SNX9: variants seen among roughly 807,000 people sequenced by gnomAD.
The protein encoded by SNX9 is sorting nexin 9.
In SNX9, 44 loss-of-function variants were observed where a neutral mutation model predicts 89.4. That is an observed-to-expected ratio of 0.49 (90% CI 0.39 to 0.63). The LOEUF (loss-of-function observed/expected upper bound fraction) is 0.63, where lower values mean the gene tolerates loss of function less well. Ranked by LOEUF, SNX9 falls within the 30% of genes least tolerant of loss-of-function variation. The probability of loss-of-function intolerance (pLI) is 0.00; values close to 1 mark genes in which losing one functional copy is unlikely to be tolerated. For missense variants in SNX9, 578 were observed against 736.1 expected (o/e 0.79, Z 2.49); for synonymous variants, 236 against 247.8 (o/e 0.95, Z 0.45).
chr6:157,841,752 A>T (rs9364670), intron 1 of SNX9, among the ~76,000 whole-genome samples: 1 of 152,212 alleles, frequency 6.6e-6, no homozygotes, highest in Non-Finnish European at 1.5e-5. Flanking sequence ...ACAAGGTCCC[A>T]CTTATCTTCA....
chr6:157,844,859 T>C (rs1341077312), intron 1 of SNX9, among the ~76,000 whole-genome samples: 1 of 152,176 alleles, frequency 6.6e-6, no homozygotes, highest in Non-Finnish European at 1.5e-5. Context: ...TCTCCCAAAG[T>C]GCTGGGATTA....
intron 13 of SNX9, among the ~76,000 whole-genome samples, 182 bp downstream of exon 13, chr6:157,932,454 C>T (rs149626100): frequency 6.6e-6 from 1 of 152,292 alleles, no homozygotes; most frequent in African/African-American, 2.4e-5. Flanking sequence ...TGAGAAAAGC[C>T]AAAGGTGGTT....
chr6:157,877,951 T>C (rs765770627), intron 4 of SNX9, among the ~76,000 whole-genome samples: 1 of 152,264 alleles, frequency 6.6e-6, no homozygotes, highest in Admixed American at 6.5e-5. Flanking sequence ...AAGATCTCTT[T>C]GAATAACTTA....
At chr6:157,900,147 T>C (rs1217319409) in intron 5 of SNX9, among the ~76,000 whole-genome samples, 1 of 152,186 alleles carries the variant, frequency 6.6e-6, no homozygotes, top group Non-Finnish European at 1.5e-5. Context: ...ATAAGTTTTT[T>C]AGATTTTTTT....
At position 157,823,578 on chromosome 6, in the gene SNX9, C is replaced by A; in HGVS notation, c.12+132C>A. The A allele has an allele frequency of 1.3e-6, 1 of 769,200 alleles. No homozygotes were observed. The highest frequency in any genetic ancestry group is 1.7e-6 in the Non-Finnish European group (1 of 595,568). The allele number at this position is 769,200 out of a possible 1,614,324, so 47.6% of individuals were successfully genotyped here. ...GGCCACTCCGCTTCCTCGGTGGAGT[C>A]CCCGGGCGGGTCCGCGGCCCAGCCA... On this transcript the variant is annotated intron_variant, in intron 1 of 17. Coordinates refer to ENST00000392185, the MANE Select transcript of SNX9 (RefSeq NM_016224.5). This position sits in a 1 kb window ranked among gnomAD's most constrained non-coding sequence, Gnocchi z 4.6.
At chr6:157,883,123 AC>A (rs1001656610) in intron 4 of SNX9, among the ~76,000 whole-genome samples, 67 of 149,394 alleles carry the variant, frequency 4.5e-4, no homozygotes, top group Non-Finnish European at 2.5e-4. Flanking sequence ...TCAAAACAAG[AC>A]CCCCCCGCCA....
intron 1 of SNX9, among the ~76,000 whole-genome samples, chr6:157,840,398 C>CA (rs780198988): frequency 1.4e-5 from 2 of 138,696 alleles, no homozygotes; most frequent in Non-Finnish European, 3.1e-5. Flanking sequence ...CTGACTTTTA[C>CA]AAAAAATACT....
chr6:157,914,042 T>G (rs141294599), intron 9 of SNX9, among the ~76,000 whole-genome samples: 201 of 152,324 alleles, frequency 1.3e-3, no homozygotes, highest in African/African-American at 4.6e-3. Flanking sequence ...CAAGTATATA[T>G]TTAATGTTTA....
At position 157,909,918 on chromosome 6, in the gene SNX9, G is replaced by C; in HGVS notation, c.842G>C (p.Arg281Pro). ...EYQLTPTNTN[R>P]SVNHRYKHFD... ...TCCCTTATTTTGTAGAACACTAATCGATCTGTAAACCACAGGTATAAGCAC... is the reference window on the plus strand; with the variant it reads ...TCCCTTATTTTGTAGAACACTAATCCATCTGTAAACCACAGGTATAAGCAC... Residue 281 changes from arginine to proline, a missense_variant, in exon 9 of 18, where the codon CGA becomes CCA. By Grantham distance (103) the Arg-to-Pro change is moderately radical. Around this residue, in one of 2 missense-constraint regions of SNX9, gnomAD observed 348 missense variants for 491.4 expected, o/e 0.71. Coordinates refer to ENST00000392185, the MANE Select transcript of SNX9 (RefSeq NM_016224.5). 1 of 1,613,914 alleles carries C rather than the reference G, an allele frequency of 6.2e-7. No homozygotes were observed. Among genetic ancestry groups the C allele is most frequent in the Non-Finnish European group, 8.5e-7 (1 of 1,179,948 alleles).
chr6:157,867,293 C>T (rs1782283832), intron 1 of SNX9, among the ~76,000 whole-genome samples: 1 of 152,120 alleles, frequency 6.6e-6, no homozygotes, highest in African/African-American at 2.4e-5. Context: ...TAGGGTTGAT[C>T]TCTAAATGCA....
rs1386712333 is a variant in SNX9, at chr6:157,932,115, T to C, written c.1289-80T>C. The C allele has an allele frequency of 7.8e-5, 97 of 1,240,562 alleles. 2 individuals are homozygous for C. In the South Asian group the frequency reaches 1.1e-3, roughly 14 times the overall value. 76.8% of individuals were successfully genotyped at this position (1,240,562 alleles called of 1,614,324 possible). On this transcript the variant is annotated intron_variant, in intron 12 of 17. Coordinates refer to ENST00000392185, the MANE Select transcript of SNX9 (RefSeq NM_016224.5). ...TATTTTGAATCACTTCAAAAGTTAC[T>C]GTAATCACTTTTAGGAAATAGTTTA...
intron 4 of SNX9, among the ~76,000 whole-genome samples, chr6:157,876,414 G>C (rs891459593): frequency 8.5e-5 from 13 of 152,202 alleles, no homozygotes; most frequent in South Asian, 2.1e-4. Flanking sequence ...TCGTGCCACT[G>C]TACTCCAGCC....
intron 1 of SNX9, among the ~76,000 whole-genome samples, chr6:157,832,342 G>A (rs1354537086): frequency 6.6e-6 from 1 of 152,180 alleles, no homozygotes; most frequent in Non-Finnish European, 1.5e-5. Context: ...CTTCAGATGT[G>A]CCAGGTCCTC....
At position 157,940,202 on chromosome 6, in the gene SNX9, C is replaced by T. The variant is rs548979673; in HGVS notation, c.1649-681C>T. On this transcript the variant is annotated intron_variant, in intron 16 of 17. Transcript: ENST00000392185. ...TGTGCAGGAGGGAGCGGGGCAGGGACCCCAGCTGCCTGCTAGGTCCAGTGC... is the reference window on the plus strand; with the variant it reads ...TGTGCAGGAGGGAGCGGGGCAGGGATCCCAGCTGCCTGCTAGGTCCAGTGC... Among the ~76,000 whole-genome samples, 12 of 152,326 alleles carry T rather than the reference C, an allele frequency of 7.9e-5. No individual in the cohort carries two copies. In the East Asian group the frequency reaches 1.9e-3, roughly 24 times the overall value.
intron 4 of SNX9, among the ~76,000 whole-genome samples, chr6:157,886,817 A>G (rs1782746421): frequency 6.6e-6 from 1 of 152,114 alleles, no homozygotes; most frequent in Non-Finnish European, 1.5e-5. Flanking sequence ...TTTTTTTCTG[A>G]CAGTAGCATG....
intron 1 of SNX9, 93 bp from the exon 2 acceptor site, chr6:157,867,454 C>A: frequency 1.0e-6 from 1 of 968,536 alleles, no homozygotes; most frequent in Non-Finnish European, 1.6e-6. Context: ...CATGTTTGTA[C>A]CAGCATGCTT....
chr6:157,936,344 A>G (rs1783925104), intron 14 of SNX9, among the ~76,000 whole-genome samples: 1 of 152,164 alleles, frequency 6.6e-6, no homozygotes, highest in Admixed American at 6.5e-5. Flanking sequence ...TGGGCAACAC[A>G]GTGAACCCCC....
chr6:157,826,829 T>A (rs1335442773), intron 1 of SNX9, among the ~76,000 whole-genome samples: 2 of 119,502 alleles, frequency 1.7e-5, no homozygotes, highest in Non-Finnish European at 3.2e-5. Context: ...TATATTATAT[T>A]TTATATATAT....
At chr6:157,909,467 T>TGGGAACACA (rs1562614400) in intron 7 of SNX9, among the ~76,000 whole-genome samples, 198 bp from the exon 8 acceptor site, 1 of 152,170 alleles carries the variant, frequency 6.6e-6, no homozygotes, top group Non-Finnish European at 1.5e-5. Flanking sequence ...CAGAAGGGTT[T>TGGGAACACA]CCCACAGGTG....
Sources: gnomAD v4.1 joint callset for allele counts (sites outside exome capture counted in the v4.1 genomes callset) on GRCh38, gnomAD v4.1.1 for gene constraint, gnomAD v4.1.1 regional missense constraint, Gnocchi (gnomAD v3.1) non-coding constraint, MANE v1.5 for transcripts, NCBI Gene and HGNC (gene_info 2026-07-23, HGNC 2026-07-21) for gene names.